The following SGCZ variants were observed in gnomAD, a reference collection of about 807,000 sequenced individuals.
The protein encoded by SGCZ is sarcoglycan zeta.
A neutral mutation model predicts 41.3 loss-of-function variants in SGCZ; 40 were observed. The observed-to-expected ratio is 0.97, with a 90% CI of 0.75 to 1.26. The LOEUF (loss-of-function observed/expected upper bound fraction) is 1.26. Ranked by LOEUF, SGCZ falls within the 50% of genes most tolerant of loss-of-function variation. The probability of loss-of-function intolerance (pLI) is 0.00; values close to 1 mark genes in which losing one functional copy is unlikely to be tolerated. For synonymous variants in SGCZ, 206 were observed against 137.5 expected, an observed-to-expected ratio of 1.50 and a Z score of -3.49; for missense variants, 552 against 369.8, an observed-to-expected ratio of 1.49 and a Z score of -4.04.
At chr8:14,292,678 T>A (rs79234072) in intron 3 of SGCZ, among the ~76,000 whole-genome samples, 3,431 of 152,118 alleles carry the variant, frequency 0.023, 51 homozygotes, top group Middle Eastern at 0.048. Context: ...TAAAGTCAAA[T>A]TCTGGATCTA....
At chr8:14,096,465 G>T (rs143749165) in intron 7 of SGCZ, among the ~76,000 whole-genome samples, 2 of 152,134 alleles carry the variant, frequency 1.3e-5, no homozygotes, top group Non-Finnish European at 1.5e-5. Context: ...CAACTTGATC[G>T]TGGTGGATAA....
chr8:14,458,010 C>T (rs1277457093), intron 2 of SGCZ, among the ~76,000 whole-genome samples: 2 of 152,084 alleles, frequency 1.3e-5, no homozygotes, highest in Admixed American at 6.5e-5. Context: ...GAGCTGGTTC[C>T]TACAGGGGCC....
At chr8:14,096,407 A>G (rs968643234) in intron 7 of SGCZ, among the ~76,000 whole-genome samples, 8 of 152,004 alleles carry the variant, frequency 5.3e-5, no homozygotes, top group African/African-American at 1.9e-4. Context: ...TTGATTACAT[A>G]TATTGATTTG....
At chr8:14,899,438 A>C (rs1798887546) in intron 1 of SGCZ, among the ~76,000 whole-genome samples, 1 of 152,206 alleles carries the variant, frequency 6.6e-6, no homozygotes, top group Non-Finnish European at 1.5e-5. Context: ...GTTAAATTAC[A>C]AAAATAGAAG....
At chr8:14,552,285 C>T (rs1223473077) in intron 2 of SGCZ, among the ~76,000 whole-genome samples, 1 of 151,988 alleles carries the variant, frequency 6.6e-6, no homozygotes, top group Non-Finnish European at 1.5e-5. Flanking sequence ...AAGTCTGCAA[C>T]TACATAAGGA....
At chr8:14,191,055 G>C (rs1277532374) in intron 4 of SGCZ, among the ~76,000 whole-genome samples, 1 of 152,166 alleles carries the variant, frequency 6.6e-6, no homozygotes, top group Non-Finnish European at 1.5e-5. Flanking sequence ...GGTATGAAGT[G>C]ATAAATTATG....
intron 5 of SGCZ, among the ~76,000 whole-genome samples, chr8:14,137,919 G>A (rs1803251318): frequency 6.6e-6 from 1 of 152,132 alleles, no homozygotes; most frequent in Admixed American, 6.6e-5. Context: ...AATATTAAGG[G>A]CAGCCAGAGA....
intron 1 of SGCZ, among the ~76,000 whole-genome samples, chr8:14,621,709 T>A (rs952740318): frequency 5.4e-5 from 8 of 148,594 alleles, no homozygotes; most frequent in Non-Finnish European, 1.0e-4. Flanking sequence ...GCAGATCTCT[T>A]AAACACTCAG....
chr8:14,666,204 C>T (rs146996908), intron 1 of SGCZ, among the ~76,000 whole-genome samples: 222 of 152,292 alleles, frequency 1.5e-3, no homozygotes, highest in Middle Eastern at 3.4e-3. Flanking sequence ...TCTCATGAAG[C>T]ATCCTATTAC....
At chr8:14,620,843 A>G (rs937454180) in intron 1 of SGCZ, among the ~76,000 whole-genome samples, 2 of 152,180 alleles carry the variant, frequency 1.3e-5, no homozygotes, top group African/African-American at 4.8e-5. Context: ...TGTTGGTGGG[A>G]CTGTAAACTA....
At chr8:14,918,856 TAC>T (rs371319184) in intron 1 of SGCZ, among the ~76,000 whole-genome samples, 28 of 152,298 alleles carry the variant, frequency 1.8e-4, no homozygotes, top group African/African-American at 6.7e-4. Flanking sequence ...GGCAGCTAAA[TAC>T]AGTTTTTGAA....
At chr8:14,640,421 G>C (rs930817044) in intron 1 of SGCZ, among the ~76,000 whole-genome samples, 1 of 151,632 alleles carries the variant, frequency 6.6e-6, no homozygotes, top group East Asian at 1.9e-4. Context: ...TCAGTCTAAA[G>C]ATTATTGTTT....
At chr8:14,895,939 T>C (rs926704856) in intron 1 of SGCZ, among the ~76,000 whole-genome samples, 1 of 152,232 alleles carries the variant, frequency 6.6e-6, no homozygotes, top group African/African-American at 2.4e-5. Context: ...TGAGACTCAC[T>C]TTAGTAAAAT....
chr8:14,379,178 C>T (rs952409417), intron 2 of SGCZ, among the ~76,000 whole-genome samples: 2 of 152,094 alleles, frequency 1.3e-5, no homozygotes, highest in Non-Finnish European at 2.9e-5. Flanking sequence ...GAAATATTAA[C>T]CAATTTTTAT....
At chr8:15,059,534 G>C (rs1804839645) in intron 1 of SGCZ, among the ~76,000 whole-genome samples, 1 of 152,150 alleles carries the variant, frequency 6.6e-6, no homozygotes. Flanking sequence ...ATTACATTTA[G>C]AAAATAATCA....
intron 3 of SGCZ, among the ~76,000 whole-genome samples, chr8:14,241,509 A>C (rs1263071766): frequency 6.7e-6 from 1 of 148,444 alleles, no homozygotes; most frequent in Non-Finnish European, 1.5e-5. Flanking sequence ...AACAATATAT[A>C]TAATATATAG....
chr8:14,585,893 T>C (rs1467310042), intron 1 of SGCZ, among the ~76,000 whole-genome samples: 2 of 152,148 alleles, frequency 1.3e-5, no homozygotes, highest in Admixed American at 1.3e-4. Flanking sequence ...AATCATGCAG[T>C]GGTGAAGTTG....
chr8:15,090,614 T>G (rs1178880314), intron 1 of SGCZ, among the ~76,000 whole-genome samples: 1 of 152,008 alleles, frequency 6.6e-6, no homozygotes, highest in East Asian at 1.9e-4. Context: ...AGATGAAGAT[T>G]AAGAGCCAGA....
At chr8:14,860,939 C>G (rs969322296) in intron 1 of SGCZ, among the ~76,000 whole-genome samples, 1 of 152,118 alleles carries the variant, frequency 6.6e-6, no homozygotes, top group Admixed American at 6.6e-5. Context: ...TCTGATGAGA[C>G]AATGGACATT....
Sources: gnomAD v4.1 joint callset for allele counts (sites outside exome capture counted in the v4.1 genomes callset) on GRCh38, gnomAD v4.1.1 for gene constraint, MANE v1.5 for transcripts, NCBI Gene and HGNC (gene_info 2026-07-23, HGNC 2026-07-21) for gene names.